The following HSPA4L variants were observed in gnomAD, a reference collection of about 807,000 sequenced individuals.
HSPA4L encodes heat shock protein family A (Hsp70) member 4 like.
Under a neutral mutation model 100.3 loss-of-function variants are expected in HSPA4L, and 48 were observed. That is an observed-to-expected ratio of 0.48 (90% confidence interval 0.38 to 0.61). HSPA4L has a LOEUF of 0.61. Among genes scored for constraint, HSPA4L ranks in the 20% least tolerant of loss-of-function variants. HSPA4L has a pLI of 0.00. For missense variants in HSPA4L, 886 were observed against 988.6 expected (o/e 0.90, Z 1.39); for synonymous variants, 319 against 328.2 (o/e 0.97, Z 0.30).
At chr4:127,812,520 G>A (rs140810324) in intron 12 of HSPA4L, among the ~76,000 whole-genome samples, 2 of 151,904 alleles carry the variant, frequency 1.3e-5, no homozygotes, top group East Asian at 1.9e-4. Flanking sequence ...GAACTTTATC[G>A]TATTTAATTA....
intron 17 of HSPA4L, among the ~76,000 whole-genome samples, chr4:127,830,355 C>G (rs2148801217): frequency 6.6e-6 from 1 of 152,276 alleles, no homozygotes; most frequent in Admixed American, 6.5e-5. Flanking sequence ...CATTTCCTTG[C>G]AACTTCTTCC....
At chr4:127,785,777 C>A (rs1433269550) in intron 1 of HSPA4L, among the ~76,000 whole-genome samples, 1 of 152,118 alleles carries the variant, frequency 6.6e-6, no homozygotes, top group Non-Finnish European at 1.5e-5. Flanking sequence ...ATACATATTT[C>A]TATACTATCA....
chr4:127,816,776 C>G (rs1007858812), intron 12 of HSPA4L, among the ~76,000 whole-genome samples: 4 of 152,114 alleles, frequency 2.6e-5, no homozygotes, highest in Admixed American at 2.6e-4. Context: ...TTAAGTGATT[C>G]AGAAGAGTTG....
At chr4:127,814,973 G>T (rs936771937) in intron 12 of HSPA4L, among the ~76,000 whole-genome samples, 19 of 152,244 alleles carry the variant, frequency 1.2e-4, no homozygotes, top group Middle Eastern at 3.4e-3. Flanking sequence ...CCTCAAAAAA[G>T]TGAACCAATT....
intron 17 of HSPA4L, among the ~76,000 whole-genome samples, chr4:127,828,966 CAAACA>C: frequency 6.6e-6 from 1 of 152,170 alleles, no homozygotes; most frequent in African/African-American, 2.4e-5. Context: ...ACTATATTGT[CAAACA>C]AAACATTGAA....
At chr4:127,807,258 T>A (rs1733385335) in intron 10 of HSPA4L, among the ~76,000 whole-genome samples, 1 of 152,004 alleles carries the variant, frequency 6.6e-6, no homozygotes, top group African/African-American at 2.4e-5. Flanking sequence ...ATAAACTGTT[T>A]CTGTTAAACA....
chr4:127,807,540 G>C (rs1274515371), intron 10 of HSPA4L, among the ~76,000 whole-genome samples: 3 of 151,968 alleles, frequency 2.0e-5, no homozygotes. Context: ...AGCAAATCTA[G>C]GTAAAAGATA....
rs1734126030 is a variant in HSPA4L, at chr4:127,832,998, G to A, written c.*124G>A. 2.9e-6 allele frequency: 2 copies of A among 689,134 alleles called. No individual in the cohort carries two copies. Among genetic ancestry groups the A allele is most frequent in the South Asian group, 3.0e-5 (1 of 33,642 alleles). The allele number at this position is 689,134 out of a possible 1,614,324, so 42.7% of individuals were successfully genotyped here. ...CCACTTTTGTCATTTGTTTTTTGGA[G>A]TAGTTTTGAAAAGTGTTTTATATTG... On this transcript the variant is annotated 3_prime_UTR_variant, in exon 19 of 19. Transcript: ENST00000296464.
At position 127,834,584 on chromosome 4, in the gene HSPA4L, G is replaced by GAAAT. The variant is rs1734162642; in HGVS notation, c.*1712_*1715dup. On this transcript the variant is annotated 3_prime_UTR_variant, in exon 19 of 19. Coordinates refer to ENST00000296464, the MANE Select transcript of HSPA4L (RefSeq NM_014278.4). The stretch of plus-strand genomic sequence containing the variant: ...AACTTTCTCTTAATTCTCTTAAAAT[G>GAAAT]AAATAGGTATATCCAATAGGTGATG... 1 of 152,100 alleles carries GAAAT rather than the reference G, an allele frequency of 6.6e-6. No homozygotes were observed. The highest frequency in any genetic ancestry group is 2.4e-5 in the African/African-American group (1 of 41,444). 9.4% of individuals were successfully genotyped at this position (152,100 alleles called of 1,614,324 possible).
intron 16 of HSPA4L, among the ~76,000 whole-genome samples, chr4:127,825,309 C>T (rs887913271): frequency 1.3e-5 from 2 of 151,978 alleles, no homozygotes; most frequent in African/African-American, 4.8e-5. Context: ...AACAAACTTC[C>T]AAGTGATGCT....
rs182201064 is a variant in HSPA4L at position 127,787,592 on chromosome 4, G to T, written c.107+4935G>T. On this transcript the variant is annotated intron_variant, in intron 1 of 18. Transcript: ENST00000296464. ...TTAAAAAATAGTTTTTAAGTATTTT[G>T]CAAATTGCTTTCTTTTCACCTCAAA... Among the ~76,000 whole-genome samples the T allele has an allele frequency of 3.0e-3, 454 of 152,112 alleles. 2 individuals are homozygous for T. The highest frequency in any genetic ancestry group is 4.8e-3 in the South Asian group (23 of 4,818).
chr4:127,823,696 T>G (rs995138546), intron 16 of HSPA4L, 72 bp downstream of exon 16: 1 of 810,496 alleles, frequency 1.2e-6, no homozygotes, highest in Non-Finnish European at 2.0e-6. Context: ...AAGAGCACAG[T>G]TTATGTTCTA....
intron 16 of HSPA4L, among the ~76,000 whole-genome samples, chr4:127,824,452 C>A (rs1733892745): frequency 6.6e-6 from 1 of 152,132 alleles, no homozygotes; most frequent in African/African-American, 2.4e-5. Flanking sequence ...ATTTTAAAAG[C>A]ATTTTGAGAA....
chr4:127,784,124 C>T (rs1732645526), intron 1 of HSPA4L, among the ~76,000 whole-genome samples: 1 of 152,214 alleles, frequency 6.6e-6, no homozygotes, highest in African/African-American at 2.4e-5. Context: ...TACTGGCTTT[C>T]GCCAGAAACA....
intron 12 of HSPA4L, chr4:127,813,282 T>G (rs1455387642): frequency 7.0e-6 from 5 of 719,048 alleles, no homozygotes; most frequent in Non-Finnish European, 7.2e-6. Context: ...TCTCCCTTTT[T>G]TTAAGGTTGC....
At chr4:127,812,051 G>C (rs968729440) in intron 12 of HSPA4L, among the ~76,000 whole-genome samples, 1 of 152,004 alleles carries the variant, frequency 6.6e-6, no homozygotes, top group Non-Finnish European at 1.5e-5. Context: ...ATTTTTCAGG[G>C]TTTATTTGGG....
At chr4:127,832,276 A>C (rs951747627) in intron 18 of HSPA4L, among the ~76,000 whole-genome samples, 1 of 152,296 alleles carries the variant, frequency 6.6e-6, no homozygotes, top group Admixed American at 6.5e-5. Context: ...GTATGATTCC[A>C]TTTATTAGAA....
At chr4:127,819,727 G>GT (rs1733759526) in intron 13 of HSPA4L, among the ~76,000 whole-genome samples, 2 of 152,130 alleles carry the variant, frequency 1.3e-5, no homozygotes, top group African/African-American at 4.8e-5. Flanking sequence ...CAGTTATACA[G>GT]TATGTACTTA....
At chr4:127,803,909 T>C in intron 7 of HSPA4L, 36 bp downstream of exon 7, 1 of 1,609,054 alleles carries the variant, frequency 6.2e-7, no homozygotes, top group Non-Finnish European at 8.5e-7. Flanking sequence ...AAGTGTTTAC[T>C]TATTTTATAA....
Sources: allele counts gnomAD v4.1 joint callset (sites outside exome capture counted in the v4.1 genomes callset), GRCh38; gene constraint gnomAD v4.1.1; transcripts MANE v1.5; gene names NCBI Gene and HGNC (gene_info 2026-07-23, HGNC 2026-07-21).